EIF4ENIF1: variants seen among roughly 807,000 people sequenced by gnomAD.
The protein encoded by EIF4ENIF1 is eukaryotic translation initiation factor 4E transporter.
EIF4ENIF1 carries 23 observed loss-of-function variants against 110.5 expected under a neutral mutation model. The observed-to-expected ratio is 0.21, with a 90% CI of 0.15 to 0.29. The LOEUF is 0.29. Ranked by LOEUF, EIF4ENIF1 falls within the 10% of genes least tolerant of loss-of-function variation. The pLI is 1.00. For synonymous variants in EIF4ENIF1, 440 were observed against 437.0 expected (o/e 1.01, Z -0.09); for missense variants, 1,031 against 1,221.1 (o/e 0.84, Z 2.32).
In EIF4ENIF1 at chr22:31,489,799, C is replaced by G. The variant is rs2052195712; in HGVS notation, c.-133G>C. 6.6e-6 allele frequency: 1 copy of G among 152,124 alleles called. No individual in the cohort carries two copies. Among genetic ancestry groups the G allele is most frequent in the Non-Finnish European group, 1.5e-5 (1 of 68,136 alleles). The allele number at this position is 152,124 out of a possible 1,614,324, so 9.4% of individuals were successfully genotyped here. On this transcript the variant is annotated 5_prime_UTR_variant, in exon 1 of 19. Transcript: ENST00000330125. Reference sequence around the variant, plus strand: ...CCCCGCAGCCTTCGCTCTCGCGCCCCCACCCCGACCGGCTTGGGCTGTCTC... The same window carrying G: ...CCCCGCAGCCTTCGCTCTCGCGCCCGCACCCCGACCGGCTTGGGCTGTCTC...
chr22:31,457,958 G>C (rs1025009861), intron 7 of EIF4ENIF1, among the ~76,000 whole-genome samples: 1 of 152,028 alleles, frequency 6.6e-6, no homozygotes, highest in Non-Finnish European at 1.5e-5. Flanking sequence ...AGCCAGGTGC[G>C]GTGGCTCACG....
intron 7 of EIF4ENIF1, among the ~76,000 whole-genome samples, chr22:31,456,480 C>T (rs1350149725): frequency 6.6e-6 from 1 of 151,962 alleles, no homozygotes; most frequent in Admixed American, 6.6e-5. Flanking sequence ...GCCTTGGCCT[C>T]CCAAAGTGCT....
At chr22:31,478,918 C>T (rs1791665417) in intron 2 of EIF4ENIF1, among the ~76,000 whole-genome samples, 1 of 150,508 alleles carries the variant, frequency 6.6e-6, no homozygotes, top group African/African-American at 2.4e-5. Context: ...CACCACTGCA[C>T]CCCAGCCTGG....
chr22:31,472,270 A>ATTTTTT (rs11404399), intron 2 of EIF4ENIF1, among the ~76,000 whole-genome samples: 3 of 142,210 alleles, frequency 2.1e-5, no homozygotes, highest in African/African-American at 7.8e-5. Context: ...TTACAAGGGG[A>ATTTTTT]TTTTTTTTTT....
At chr22:31,492,081 T>C (rs2052291622), upstream of EIF4ENIF1, among the ~76,000 whole-genome samples, 1 of 152,176 alleles carries the variant, frequency 6.6e-6, no homozygotes, top group African/African-American at 2.4e-5. Flanking sequence ...GGCTGTCAGC[T>C]AGGACCTGGG....
At chr22:31,487,706 CT>C (rs1254403419) in intron 2 of EIF4ENIF1, among the ~76,000 whole-genome samples, 1 of 149,554 alleles carries the variant, frequency 6.7e-6, no homozygotes, top group Admixed American at 6.8e-5. Context: ...GGGAGGATGG[CT>C]TGAGCCCGGG....
chr22:31,477,742 G>A lies in EIF4ENIF1; in HGVS notation c.97-5825C>T, dbSNP rs536309966. On this transcript the variant is annotated intron_variant, in intron 2 of 18. Transcript: ENST00000330125. ...ACAATGGCTAAAACATAGCTCACCTGTCCATAGAGGATAAAGAGCCATTTT... is the reference window on the plus strand; with the variant it reads ...ACAATGGCTAAAACATAGCTCACCTATCCATAGAGGATAAAGAGCCATTTT... Among the ~76,000 whole-genome samples the A allele has an allele frequency of 3.9e-5, 6 of 152,288 alleles. No homozygotes were observed. The South Asian group carries it at 1.0e-3, about 26-fold the overall frequency.
At chr22:31,444,832 C>T in intron 14 of EIF4ENIF1, 142 bp from the exon 15 acceptor site, 1 of 744,258 alleles carries the variant, frequency 1.3e-6, no homozygotes, top group Non-Finnish European at 2.3e-6. Flanking sequence ...TTAGGCCTAA[C>T]ATACACAAAA....
At chr22:31,461,617 T>C (rs757507044) in intron 6 of EIF4ENIF1, 2 of 152,208 alleles carry the variant, frequency 1.3e-5, no homozygotes, top group African/African-American at 2.4e-5. Context: ...ATTTTCAATA[T>C]AGACAGGGTT....
At chr22:31,465,052 A>G (rs773353662) in intron 4 of EIF4ENIF1, among the ~76,000 whole-genome samples, 10 of 151,776 alleles carry the variant, frequency 6.6e-5, no homozygotes, top group Admixed American at 6.6e-4. Flanking sequence ...AAACCAACCC[A>G]GTGGCTCACG....
chr22:31,462,803 A>C lies in EIF4ENIF1; in HGVS notation c.787+129T>G, dbSNP rs1202893344. 5 of 918,394 alleles carry C rather than the reference A, an allele frequency of 5.4e-6. No individual in the cohort carries two copies. In the African/African-American group the frequency reaches 8.3e-5, roughly 15 times the overall value. 56.9% of individuals were successfully genotyped at this position (918,394 alleles called of 1,614,324 possible). A position where few individuals can be genotyped will look rare whatever the true frequency, so the allele number is the denominator to read the frequency against. ...TCACCATGTTGGCCAGGCTGGTCTCAAACTCCTGACCTCAGGTGATCCGCC... is the reference window on the plus strand; with the variant it reads ...TCACCATGTTGGCCAGGCTGGTCTCCAACTCCTGACCTCAGGTGATCCGCC... On this transcript the variant is annotated intron_variant, in intron 6 of 18. Coordinates refer to ENST00000330125, the MANE Select transcript of EIF4ENIF1 (RefSeq NM_019843.4).
At chr22:31,444,368 G>A (rs1026612054) in intron 15 of EIF4ENIF1, 1 of 448,822 alleles carries the variant, frequency 2.2e-6, no homozygotes, top group Admixed American at 3.4e-5. Context: ...CGTGTGCCCT[G>A]GCCCATGATC....
At chr22:31,483,422 T>G (rs983547355) in intron 2 of EIF4ENIF1, among the ~76,000 whole-genome samples, 2 of 151,878 alleles carry the variant, frequency 1.3e-5, no homozygotes, top group Non-Finnish European at 2.9e-5. Flanking sequence ...AGGCTGGTCT[T>G]GAACTCCTGG....
chr22:31,445,956 C>G (rs535046539), intron 14 of EIF4ENIF1, among the ~76,000 whole-genome samples: 26 of 145,662 alleles, frequency 1.8e-4, no homozygotes, highest in Middle Eastern at 3.6e-3. Context: ...ACGTACCGCC[C>G]CCCCCCCCCA....
chr22:31,450,889 AC>A (rs1569073706), intron 10 of EIF4ENIF1: 2 of 159,562 alleles, frequency 1.3e-5, no homozygotes, highest in Admixed American at 6.2e-5. Context: ...ACACACACAC[AC>A]ACACAAAAGA....
chr22:31,470,164 C>CAAAAAAAA (rs61046632), intron 3 of EIF4ENIF1, among the ~76,000 whole-genome samples: 1 of 98,440 alleles, frequency 1.0e-5, no homozygotes. Context: ...AACTCCACCT[C>CAAAAAAAA]AAAAAAAAAA....
In EIF4ENIF1 at chr22:31,439,884, T is replaced by C; in HGVS notation, c.2954A>G (p.Gln985Arg). The C allele has an allele frequency of 6.2e-7, 1 of 1,613,168 alleles. No homozygotes were observed. The highest frequency in any genetic ancestry group is 8.5e-7 in the Non-Finnish European group (1 of 1,180,004). Reference sequence around the variant, plus strand: ...AGTTGAGTCTGCCTGCCCTGCTCACTGTCGGTATTCCAATTCATCTACACT... The same window carrying C: ...AGTTGAGTCTGCCTGCCCTGCTCACCGTCGGTATTCCAATTCATCTACACT... ...VISVDELEYR[Q>R] Residue 985 changes from glutamine (Q) to arginine (R), a missense_variant, in exon 19 of 19, where the codon CAG becomes CGG. This residue lies in a region of EIF4ENIF1 where 18 missense variants were observed against 42.3 expected (regional missense o/e 0.43). Coordinates refer to ENST00000330125, the MANE Select transcript of EIF4ENIF1 (RefSeq NM_019843.4).
chr22:31,464,711 T>A lies in EIF4ENIF1; in HGVS notation c.299-744A>T, dbSNP rs1293485489. ...AAAAAAAAAAAAAAATATATATATA[T>A]ATATATATATATATAAACAGATATA... On this transcript the variant is annotated intron_variant, in intron 4 of 18. Coordinates refer to ENST00000330125, the MANE Select transcript of EIF4ENIF1 (RefSeq NM_019843.4). Among the ~76,000 whole-genome samples, 300 of 77,256 alleles carry A rather than the reference T, an allele frequency of 3.9e-3. 2 individuals are homozygous for A. The highest frequency in any genetic ancestry group is 8.8e-3 in the Middle Eastern group (1 of 114). 50.7% of individuals were successfully genotyped at this position (77,256 alleles called of 152,430 possible).
intron 6 of EIF4ENIF1, among the ~76,000 whole-genome samples, chr22:31,459,215 A>T (rs2050918784): frequency 6.6e-6 from 1 of 152,038 alleles, no homozygotes. Context: ...GTAGTGAGCC[A>T]CTGTGTCCAG....
Sources: gnomAD v4.1 joint callset for allele counts (sites outside exome capture counted in the v4.1 genomes callset) on GRCh38, gnomAD v4.1.1 for gene constraint, gnomAD v4.1.1 regional missense constraint, MANE v1.5 for transcripts, NCBI Gene and HGNC (gene_info 2026-07-23, HGNC 2026-07-21) for gene names.